The following PIP5K1B variants were observed in gnomAD, a reference collection of about 807,000 sequenced individuals.
The protein encoded by PIP5K1B is phosphatidylinositol 4-phosphate 5-kinase type-1 beta.
Under a neutral mutation model 67.0 loss-of-function variants are expected in PIP5K1B, and 42 were observed. The observed-to-expected ratio is 0.63, with a 90% CI of 0.49 to 0.81. PIP5K1B has a LOEUF of 0.81. PIP5K1B is among the 30% of genes least tolerant of loss of function. The probability of loss-of-function intolerance (pLI) is 0.00; values close to 1 mark genes in which losing one functional copy is unlikely to be tolerated. For missense variants in PIP5K1B, 459 were observed against 646.3 expected, an observed-to-expected ratio of 0.71 and a Z score of 3.14; for synonymous variants, 214 against 231.4, an observed-to-expected ratio of 0.92 and a Z score of 0.68.
chr9:68,886,566 A>G (rs1409038200), intron 6 of PIP5K1B, among the ~76,000 whole-genome samples: 1 of 152,194 alleles, frequency 6.6e-6, no homozygotes, highest in Non-Finnish European at 1.5e-5. Context: ...CAACTCGAGG[A>G]AAAGGAAACA....
chr9:68,932,790 G>A (rs1827064730), intron 12 of PIP5K1B, among the ~76,000 whole-genome samples: 1 of 152,118 alleles, frequency 6.6e-6, no homozygotes, highest in African/African-American at 2.4e-5. Flanking sequence ...CCACATCTGA[G>A]ATCCTCTGAT....
intron 9 of PIP5K1B, among the ~76,000 whole-genome samples, chr9:68,918,655 A>C (rs936004462): frequency 6.6e-6 from 1 of 152,244 alleles, no homozygotes; most frequent in East Asian, 1.9e-4. Context: ...AGACTGAAAG[A>C]AAGCAATCAT....
At chr9:68,747,293 G>A (rs767685188) in intron 2 of PIP5K1B, among the ~76,000 whole-genome samples, 1 of 149,568 alleles carries the variant, frequency 6.7e-6, no homozygotes, top group Non-Finnish European at 1.5e-5. Context: ...TTATCAAATC[G>A]AAACTGCAGC....
chr9:68,762,633 G>A (rs1457748294), intron 2 of PIP5K1B, among the ~76,000 whole-genome samples: 1 of 152,094 alleles, frequency 6.6e-6, no homozygotes, highest in African/African-American at 2.4e-5. Flanking sequence ...CTTATAGTGG[G>A]CAACAGAACT....
chr9:68,791,033 C>T (rs1439823411), intron 2 of PIP5K1B, among the ~76,000 whole-genome samples: 3 of 152,166 alleles, frequency 2.0e-5, no homozygotes, highest in African/African-American at 4.8e-5. Flanking sequence ...CGCAGAAGTT[C>T]GGTTCTGTAT....
intron 8 of PIP5K1B, among the ~76,000 whole-genome samples, chr9:68,914,698 G>C (rs1480470851): frequency 6.6e-6 from 1 of 151,908 alleles, no homozygotes; most frequent in Non-Finnish European, 1.5e-5. Context: ...CTGGGCAACA[G>C]AGCAAGACTC....
chr9:68,883,794 T>C lies in PIP5K1B; in HGVS notation c.319-5187T>C, dbSNP rs1824316748. ...TGGTACTAGTATAAAAACAGACACA[T>C]TGACCAAATAGGATAGAGAGCCCAG... On this transcript the variant is annotated intron_variant, in intron 6 of 15. Coordinates refer to ENST00000265382, the MANE Select transcript of PIP5K1B (RefSeq NM_003558.4). 4.0e-5 allele frequency among the ~76,000 whole-genome samples: 6 copies of C among 148,370 alleles called. No homozygotes were observed. In the South Asian group the frequency reaches 1.3e-3, roughly 32 times the overall value.
At chr9:68,803,336 A>G (rs1475403738) in intron 2 of PIP5K1B, among the ~76,000 whole-genome samples, 1 of 152,254 alleles carries the variant, frequency 6.6e-6, no homozygotes, top group Admixed American at 6.5e-5. Flanking sequence ...GAGTCATCAC[A>G]AGTAGGTTGC....
chr9:68,941,246 T>C (rs1005986532), intron 14 of PIP5K1B: 7 of 378,466 alleles, frequency 1.8e-5, no homozygotes, highest in African/African-American at 1.5e-4. Context: ...TGTGAATATG[T>C]TACCTTATAT....
intron 4 of PIP5K1B, among the ~76,000 whole-genome samples, chr9:68,828,525 T>G (rs1053321770): frequency 2.6e-5 from 4 of 152,214 alleles, no homozygotes; most frequent in Non-Finnish European, 5.9e-5. Context: ...TGAGACAGTT[T>G]CCTATCAGTG....
intron 14 of PIP5K1B, among the ~76,000 whole-genome samples, chr9:68,966,206 A>G (rs547701794): frequency 2.6e-5 from 4 of 152,286 alleles, no homozygotes; most frequent in Admixed American, 2.0e-4. Context: ...CAAAATTCCC[A>G]TACAGAAGAA....
intron 7 of PIP5K1B, among the ~76,000 whole-genome samples, chr9:68,892,068 A>G (rs1824817959): frequency 6.6e-6 from 1 of 152,214 alleles, no homozygotes; most frequent in Non-Finnish European, 1.5e-5. Flanking sequence ...AGGAAACTAC[A>G]AAACGTTATT....
chr9:68,918,966 T>TAC (rs1206542083), intron 9 of PIP5K1B, among the ~76,000 whole-genome samples: 1 of 151,962 alleles, frequency 6.6e-6, no homozygotes, highest in African/African-American at 2.4e-5. Flanking sequence ...AATAAATACA[T>TAC]ACACACACAC....
At chr9:68,794,954 T>G (rs1168789074) in intron 2 of PIP5K1B, among the ~76,000 whole-genome samples, 1 of 152,186 alleles carries the variant, frequency 6.6e-6, no homozygotes, top group Non-Finnish European at 1.5e-5. Context: ...CAAGCCATAT[T>G]TGTAACCAGC....
At chr9:68,848,938 T>A (rs1822339210) in intron 4 of PIP5K1B, among the ~76,000 whole-genome samples, 1 of 152,188 alleles carries the variant, frequency 6.6e-6, no homozygotes, top group Admixed American at 6.5e-5. Flanking sequence ...ACAACAAGAC[T>A]GGCAAAAGTT....
intron 4 of PIP5K1B, among the ~76,000 whole-genome samples, chr9:68,827,334 A>C (rs549408102): frequency 6.6e-6 from 1 of 152,248 alleles, no homozygotes; most frequent in Non-Finnish European, 1.5e-5. Flanking sequence ...ACTTCCCGCA[A>C]TGATGGAAAT....
intron 2 of PIP5K1B, chr9:68,779,968 C>A: frequency 1.6e-6 from 1 of 636,890 alleles, no homozygotes; most frequent in Non-Finnish European, 2.4e-6. Flanking sequence ...CTACCACTGC[C>A]GCGCACATAT....
At chr9:68,813,146 GGA>G (rs1251974110) in intron 2 of PIP5K1B, among the ~76,000 whole-genome samples, 1 of 152,188 alleles carries the variant, frequency 6.6e-6, no homozygotes, top group Non-Finnish European at 1.5e-5. Context: ...AGACATTTCT[GGA>G]CATGGAGTTA....
At chr9:68,728,875 G>C (rs1328893414) in intron 1 of PIP5K1B, 1 of 152,200 alleles carries the variant, frequency 6.6e-6, no homozygotes, top group African/African-American at 2.4e-5. Context: ...TTAAAGCTGA[G>C]AGTGTTTTGC....
Sources: allele counts gnomAD v4.1 joint callset (sites outside exome capture counted in the v4.1 genomes callset), GRCh38; gene constraint gnomAD v4.1.1; transcripts MANE v1.5; gene names NCBI Gene and HGNC (gene_info 2026-07-23, HGNC 2026-07-21).